Variants in KIF13A observed in about 807,000 individuals in gnomAD.
KIF13A encodes the protein kinesin family member 13A.
Under a neutral mutation model 212.2 loss-of-function variants are expected in KIF13A, and 79 were observed. That is an observed-to-expected ratio of 0.37 (90% confidence interval 0.31 to 0.45). The LOEUF (loss-of-function observed/expected upper bound fraction) is 0.45. Ranked by LOEUF, KIF13A falls within the 20% of genes least tolerant of loss-of-function variation. KIF13A has a pLI of 1.00. For missense variants in KIF13A, 1,901 were observed against 2,209.0 expected, an observed-to-expected ratio of 0.86 and a Z score of 2.79; for synonymous variants, 789 against 808.6, an observed-to-expected ratio of 0.98 and a Z score of 0.41.
At chr6:17,931,240 T>C (rs922069883) in intron 2 of KIF13A, among the ~76,000 whole-genome samples, 2 of 152,220 alleles carry the variant, frequency 1.3e-5, no homozygotes, top group East Asian at 3.8e-4. Context: ...CTTTGTCTTA[T>C]TTTGCTACCT....
Position 17,871,384 on chromosome 6 carries a change from C to G in KIF13A, c.220+1993G>C, listed in dbSNP as rs1006484949. The stretch of plus-strand genomic sequence containing the variant: ...AATCTGGTGCCTTTCCAGATTTTAT[C>G]TCTCCTTGGATTTTATGTAACACTT... On this transcript the variant is annotated intron_variant, in intron 4 of 38. Transcript: ENST00000259711. The surrounding 1 kb of genome is among the most constrained non-coding windows in gnomAD (Gnocchi z 4.4). 1.3e-4 allele frequency among the ~76,000 whole-genome samples: 19 copies of G among 151,972 alleles called. No individual in the cohort carries two copies. The highest frequency in any genetic ancestry group is 3.9e-4 in the African/African-American group (16 of 41,364).
In KIF13A at chr6:17,785,234, C is replaced by A. The variant is rs1415815330; in HGVS notation, c.3488+281G>T. 6.6e-6 allele frequency among the ~76,000 whole-genome samples: 1 copy of A among 152,158 alleles called. No homozygotes were observed. The highest frequency in any genetic ancestry group is 1.5e-5 in the Non-Finnish European group (1 of 68,026). ...CAGCCAAGATAAAAGAGTTTCTGGG[C>A]ATCAGGGAACAATGTCCAAGTTGCT... On this transcript the variant is annotated intron_variant, in intron 28 of 38. Transcript: ENST00000259711. This position sits in a 1 kb window ranked among gnomAD's most constrained non-coding sequence, Gnocchi z 5.8.
chr6:17,973,175 CCA>C (rs926577693), intron 2 of KIF13A, among the ~76,000 whole-genome samples: 1 of 152,190 alleles, frequency 6.6e-6, no homozygotes, highest in African/African-American at 2.4e-5. Flanking sequence ...TTCTCCACTC[CCA>C]CACATATATA....
chr6:17,858,955 T>C (rs1172166217), intron 4 of KIF13A, among the ~76,000 whole-genome samples: 2 of 152,198 alleles, frequency 1.3e-5, no homozygotes, highest in African/African-American at 2.4e-5. Flanking sequence ...AGAAGTACTG[T>C]GGTCAAAGAG....
Position 17,764,001 on chromosome 6 carries a change from G to A in KIF13A, c.*109C>T. The A allele has an allele frequency of 6.8e-7, 1 of 1,467,244 alleles. No homozygotes were observed. The highest frequency in any genetic ancestry group is 9.0e-7 in the Non-Finnish European group (1 of 1,108,650). 90.9% of individuals were successfully genotyped at this position (1,467,244 alleles called of 1,614,324 possible). A position where few individuals can be genotyped will look rare whatever the true frequency, so the allele number is the denominator to read the frequency against. ...ACAGAGACAGCTGTGCAGGAAGTGA[G>A]CCTGCTTCTCTGTGGGCTCATCTTT... On this transcript the variant is annotated 3_prime_UTR_variant, in exon 39 of 39. Coordinates refer to ENST00000259711, the MANE Select transcript of KIF13A (RefSeq NM_022113.6). The surrounding 1 kb of genome is among the most constrained non-coding windows in gnomAD (Gnocchi z 5.1).
Position 17,787,392 on chromosome 6 carries a change from C to A in KIF13A, c.3361+384G>T, listed in dbSNP as rs1761148769. On this transcript the variant is annotated intron_variant, in intron 27 of 38. Transcript: ENST00000259711. The surrounding 1 kb of genome is among the most constrained non-coding windows in gnomAD (Gnocchi z 4.6). ...AACAGGCTGGGCGCAGTGGCTAACA[C>A]CTGCAATTCCAGCAGTTTGGGAGGC... 6.6e-6 allele frequency among the ~76,000 whole-genome samples: 1 copy of A among 152,132 alleles called. No homozygotes were observed. Among genetic ancestry groups the A allele is most frequent in the Non-Finnish European group, 1.5e-5 (1 of 68,030 alleles).
intron 34 of KIF13A, 99 bp from the exon 35 acceptor site, chr6:17,775,161 TCTTC>T (rs1759840643): frequency 2.3e-6 from 2 of 860,598 alleles, no homozygotes; most frequent in African/African-American, 3.5e-5. Context: ...AAGCCTGCAG[TCTTC>T]ATTCTTCTCC....
chr6:17,835,405 C>A (rs1396699517), intron 11 of KIF13A, among the ~76,000 whole-genome samples: 1 of 152,026 alleles, frequency 6.6e-6, no homozygotes, highest in Non-Finnish European at 1.5e-5. Flanking sequence ...ATTATACTTT[C>A]CTCCTAGCAT....
At position 17,769,934 on chromosome 6, in the gene KIF13A, G is replaced by T. The variant is rs889739311; in HGVS notation, c.4581+1180C>A. 3.9e-5 allele frequency among the ~76,000 whole-genome samples: 6 copies of T among 152,142 alleles called. No individual in the cohort carries two copies. Among genetic ancestry groups the T allele is most frequent in the African/African-American group, 1.4e-4 (6 of 41,426 alleles). ...GGGCTTTGGGATAGAGGGACAAGGA[G>T]AAACCAAAGGCAGAGGAGGGGAAGA... On this transcript the variant is annotated intron_variant, in intron 38 of 38. Transcript: ENST00000259711. This position sits in a 1 kb window ranked among gnomAD's most constrained non-coding sequence, Gnocchi z 5.8.
At chr6:17,939,792 C>T (rs1776789082) in intron 2 of KIF13A, among the ~76,000 whole-genome samples, 1 of 152,184 alleles carries the variant, frequency 6.6e-6, no homozygotes, top group South Asian at 2.1e-4. Context: ...GTGGCTCACG[C>T]TTCTAATCCC....
chr6:17,863,545 G>A (rs561555055), intron 4 of KIF13A, among the ~76,000 whole-genome samples: 10 of 151,650 alleles, frequency 6.6e-5, no homozygotes, highest in South Asian at 2.1e-4. Flanking sequence ...CCAATTCTTC[G>A]GTTTGGTGAC....
intron 2 of KIF13A, among the ~76,000 whole-genome samples, chr6:17,960,135 T>C (rs1323061923): frequency 6.6e-6 from 1 of 152,194 alleles, no homozygotes. Flanking sequence ...TGAATGGCAT[T>C]TGTGATTCCT....
rs1014475933 is a variant in KIF13A at position 17,786,853 on chromosome 6, A to G, written c.3361+923T>C. Among the ~76,000 whole-genome samples the G allele has an allele frequency of 3.3e-5, 5 of 152,202 alleles. No homozygotes were observed. Among genetic ancestry groups the G allele is most frequent in the African/African-American group, 9.6e-5 (4 of 41,454 alleles). ...AGGGAGACTTTCTGCTAGCTTCTAC[A>G]TGAAATGGATTAACATGCATGATGT... On this transcript the variant is annotated intron_variant, in intron 27 of 38. Coordinates refer to ENST00000259711, the MANE Select transcript of KIF13A (RefSeq NM_022113.6). The surrounding 1 kb of genome is among the most constrained non-coding windows in gnomAD (Gnocchi z 5.4).
At chr6:17,981,543 C>T (rs1254449297) in intron 2 of KIF13A, among the ~76,000 whole-genome samples, 1 of 151,430 alleles carries the variant, frequency 6.6e-6, no homozygotes, top group Non-Finnish European at 1.5e-5. Context: ...CCTGCCTCAG[C>T]CTCCCGAGTA....
chr6:17,800,793 G>T (rs1762410441), intron 20 of KIF13A, among the ~76,000 whole-genome samples: 1 of 151,870 alleles, frequency 6.6e-6, no homozygotes, highest in South Asian at 2.1e-4. Flanking sequence ...TAGAGACGGG[G>T]TTTCACTGTG....
chr6:17,971,446 G>A lies in KIF13A; in HGVS notation c.146+15608C>T, dbSNP rs938406758. ...GTTTTTTTCCTTTTTTTTTGACACA[G>A]GGTCTCACTCTGTCGCCCAGGCTGG... is the stretch of plus-strand genomic sequence containing the variant. On this transcript the variant is annotated intron_variant, in intron 2 of 38. Transcript: ENST00000259711. The surrounding 1 kb of genome is among the most constrained non-coding windows in gnomAD (Gnocchi z 4.2). Among the ~76,000 whole-genome samples the A allele has an allele frequency of 2.0e-5, 3 of 151,252 alleles. No homozygotes were observed. The highest frequency in any genetic ancestry group is 7.3e-5 in the African/African-American group (3 of 41,108).
rs1766016713 is a variant in KIF13A at position 17,836,934 on chromosome 6, T to A, written c.1099A>T (p.Ile367Phe). The A allele has an allele frequency of 6.2e-7, 1 of 1,613,948 alleles. No individual in the cohort carries two copies. Among genetic ancestry groups the A allele is most frequent in the Non-Finnish European group, 8.5e-7 (1 of 1,179,892 alleles). The change falls in exon 11 of 39, where the codon ATC becomes TTC. Residue 367 changes from isoleucine (I) to phenylalanine (F), a missense_variant. Physicochemically the swap from Ile to Phe is conservative, Grantham distance 21. This residue lies in a region of KIF13A where 506 missense variants were observed against 637.4 expected (regional missense o/e 0.79). Transcript: ENST00000259711. Reference sequence around the variant, plus strand: ...TCGACTTCCTCCCGCAGTTCTCGGATCACTTTTGCGTTGGGGTCCTCATTC... The same window carrying A: ...TCGACTTCCTCCCGCAGTTCTCGGAACACTTTTGCGTTGGGGTCCTCATTC... ...VVNEDPNAKV[I>F]RELREEVEKL...
intron 29 of KIF13A, among the ~76,000 whole-genome samples, chr6:17,782,935 T>C (rs1434247083): frequency 6.6e-6 from 1 of 152,200 alleles, no homozygotes; most frequent in Non-Finnish European, 1.5e-5. Context: ...TTATGAGGCA[T>C]ACATTCAACA....
At chr6:17,862,442 G>T (rs2150415767) in intron 4 of KIF13A, among the ~76,000 whole-genome samples, 1 of 152,178 alleles carries the variant, frequency 6.6e-6, no homozygotes, top group South Asian at 2.1e-4. Context: ...AAATTATCTA[G>T]TTATTTTTCC....
Sources: gnomAD v4.1 joint callset for allele counts (sites outside exome capture counted in the v4.1 genomes callset) on GRCh38, gnomAD v4.1.1 for gene constraint, gnomAD v4.1.1 regional missense constraint, Gnocchi (gnomAD v3.1) non-coding constraint, MANE v1.5 for transcripts, NCBI Gene and HGNC (gene_info 2026-07-23, HGNC 2026-07-21) for gene names.